DDX1: variants seen among roughly 807,000 people sequenced by gnomAD.
DDX1 encodes DEAD-box helicase 1.
A neutral mutation model predicts 108.7 loss-of-function variants in DDX1; 28 were observed. That is an observed-to-expected ratio of 0.26 (90% CI 0.19 to 0.35). The LOEUF is 0.35. Among genes scored for constraint, DDX1 ranks in the 10% least tolerant of loss-of-function variants. DDX1 has a pLI of 1.00. For missense variants in DDX1, 710 were observed against 884.5 expected, an observed-to-expected ratio of 0.80 and a Z score of 2.50; for synonymous variants, 295 against 288.9, an observed-to-expected ratio of 1.02 and a Z score of -0.21.
At chr2:15,603,396 C>T (rs1479120943) in intron 8 of DDX1, 121 bp downstream of exon 8, 5 of 703,888 alleles carry the variant, frequency 7.1e-6, no homozygotes, top group Non-Finnish European at 1.2e-5. Context: ...GACATGGAAA[C>T]AATATTTATC....
At chr2:15,602,026 A>G (rs1293222350) in intron 6 of DDX1, among the ~76,000 whole-genome samples, 1 of 152,158 alleles carries the variant, frequency 6.6e-6, no homozygotes. Flanking sequence ...AGTTTCCCAT[A>G]TGGTTTCTTC....
In DDX1 at chr2:15,630,814, A is replaced by G. The variant is rs745328114; in HGVS notation, c.2131A>G (p.Thr711Ala). Reference sequence around the variant, plus strand: ...AGGCCATGTGGATATTTTGGCACCTACTGTTCAAGAGTTGGCTGCCCTTGA... The same window carrying G: ...AGGCCATGTGGATATTTTGGCACCTGCTGTTCAAGAGTTGGCTGCCCTTGA... The part of the protein sequence containing the change: ...YKGHVDILAP[T>A]VQELAALEKE... The change falls in exon 26 of 26, where the codon ACT becomes GCT. Residue 711 changes from threonine to alanine, a missense_variant. Physicochemically the swap from Thr to Ala is moderately conservative, Grantham distance 58. Coordinates refer to ENST00000233084, the MANE Select transcript of DDX1 (RefSeq NM_004939.3). The G allele has an allele frequency of 8.1e-6, 13 of 1,613,850 alleles. No homozygotes were observed. Among genetic ancestry groups the G allele is most frequent in the Non-Finnish European group, 1.1e-5 (13 of 1,179,862 alleles).
intron 19 of DDX1, among the ~76,000 whole-genome samples, chr2:15,625,853 A>G (rs918986852): frequency 2.8e-4 from 43 of 152,066 alleles, no homozygotes; most frequent in African/African-American, 1.0e-3. Context: ...CATATAAAGA[A>G]TACATTACAC....
In DDX1 at chr2:15,630,940, A is replaced by C; in HGVS notation, c.*34A>C. ...TTTACTGAATAAGATTTGAGTAATG[A>C]AAGTCTGTAGTCTTAAAACTCTAAA... On this transcript the variant is annotated 3_prime_UTR_variant, in exon 26 of 26. Transcript: ENST00000233084. The C allele has an allele frequency of 6.2e-7, 1 of 1,607,712 alleles. No homozygotes were observed. Among genetic ancestry groups the C allele is most frequent in the Non-Finnish European group, 8.5e-7 (1 of 1,174,952 alleles).
Position 15,597,367 on chromosome 2 carries a change from T to G in DDX1, c.163-8T>G. On this transcript the variant is annotated splice_polypyrimidine_tract_variant and splice_region_variant and intron_variant, in intron 4 of 25. Coordinates refer to ENST00000233084, the MANE Select transcript of DDX1 (RefSeq NM_004939.3). ...TACTAATATAGATACCTTTTGTTTC[T>G]TTGATAGGCTTTTAGTATTCCAGTT... 6.4e-7 allele frequency: 1 copy of G among 1,562,870 alleles called. No homozygotes were observed. Among genetic ancestry groups the G allele is most frequent in the African/African-American group, 1.4e-5 (1 of 72,638 alleles).
At chr2:15,598,614 T>TA (rs1285422994) in intron 5 of DDX1, among the ~76,000 whole-genome samples, 2 of 152,164 alleles carry the variant, frequency 1.3e-5, no homozygotes, top group East Asian at 3.8e-4. Flanking sequence ...CTGTTTAACT[T>TA]AAAGTACTTC....
intron 7 of DDX1, among the ~76,000 whole-genome samples, chr2:15,602,935 A>G (rs1665609720): frequency 6.6e-6 from 1 of 151,946 alleles, no homozygotes; most frequent in Non-Finnish European, 1.5e-5. Flanking sequence ...CTGGTTTTGA[A>G]CTCCTAACCT....
chr2:15,618,322 T>C (rs1378015008), intron 16 of DDX1, 52 bp downstream of exon 16: 1 of 934,908 alleles, frequency 1.1e-6, no homozygotes, highest in Non-Finnish European at 1.7e-6. Flanking sequence ...TTGTTATGTA[T>C]AATGTTACGG....
At chr2:15,603,715 A>G in intron 8 of DDX1, 99 bp from the exon 9 acceptor site, 1 of 786,838 alleles carries the variant, frequency 1.3e-6, no homozygotes, top group East Asian at 2.8e-5. Context: ...CTGTGGGTTT[A>G]TGAAATGGAC....
At chr2:15,597,144 A>T (rs10929377) in intron 4 of DDX1, among the ~76,000 whole-genome samples, 1 of 151,956 alleles carries the variant, frequency 6.6e-6, no homozygotes, top group Non-Finnish European at 1.5e-5. Flanking sequence ...TCATTCTACC[A>T]GTCTCCATTG....
chr2:15,601,643 T>C (rs995209775), intron 6 of DDX1, among the ~76,000 whole-genome samples: 1 of 152,216 alleles, frequency 6.6e-6, no homozygotes, highest in African/African-American at 2.4e-5. Context: ...GGAACCGTCA[T>C]GTGTTCAGCT....
intron 18 of DDX1, 46 bp downstream of exon 18, chr2:15,621,162 T>A (rs1350248501): frequency 7.4e-7 from 1 of 1,347,106 alleles, no homozygotes; most frequent in African/African-American, 1.4e-5. Context: ...GAAAATGAAA[T>A]TTATACCTTA....
At chr2:15,604,184 C>T (rs1228659558) in intron 9 of DDX1, among the ~76,000 whole-genome samples, 1 of 152,068 alleles carries the variant, frequency 6.6e-6, no homozygotes, top group African/African-American at 2.4e-5. Context: ...ATTCTCATTT[C>T]TTATTATTGA....
At chr2:15,602,132 A>G (rs1442415397) in intron 6 of DDX1, among the ~76,000 whole-genome samples, 1 of 152,196 alleles carries the variant, frequency 6.6e-6, no homozygotes, top group East Asian at 1.9e-4. Context: ...ACGAATATTG[A>G]TGAGCGAGTT....
intron 19 of DDX1, among the ~76,000 whole-genome samples, chr2:15,624,157 TAGAA>T (rs1341745673): frequency 6.6e-6 from 1 of 151,872 alleles, no homozygotes; most frequent in East Asian, 1.9e-4. Flanking sequence ...TCTGAGGACA[TAGAA>T]AGATGGAAAA....
At position 15,630,015 on chromosome 2, in the gene DDX1, T is replaced by C. The variant is rs1666166398; in HGVS notation, c.1997T>C (p.Leu666Pro). Residue 666 changes from leucine (L) to proline (P), a missense_variant, in exon 25 of 26, where the codon CTG becomes CCG. By Grantham distance (98) the Leu-to-Pro change is moderately conservative. Transcript: ENST00000233084. ...TTACTATCTGAGATAGAAGAACACC[T>C]GAACTGTACCATTTCTCAGGTTGAG... ...MQLLSEIEEHLNCTISQVEPD... is the reference protein window; with the variant it reads ...MQLLSEIEEHPNCTISQVEPD... 6.2e-7 allele frequency: 1 copy of C among 1,612,356 alleles called. No homozygotes were observed. Among genetic ancestry groups the C allele is most frequent in the African/African-American group, 1.3e-5 (1 of 74,878 alleles).
At chr2:15,601,217 C>G (rs555293359) in intron 6 of DDX1, among the ~76,000 whole-genome samples, 2 of 152,118 alleles carry the variant, frequency 1.3e-5, no homozygotes, top group African/African-American at 2.4e-5. Context: ...TCAGCATTTA[C>G]GAGTTGAGAA....
chr2:15,591,884 A>T lies in DDX1; in HGVS notation c.-50A>T. ...CGCGCCGCCACTGCCACGCCGTGTC[A>T]GTCGGGAGGGAGGGAGCGAGCAGGC... On this transcript the variant is annotated 5_prime_UTR_variant, in exon 1 of 26. Coordinates refer to ENST00000233084, the MANE Select transcript of DDX1 (RefSeq NM_004939.3). 1 of 1,467,648 alleles carries T rather than the reference A, an allele frequency of 6.8e-7. No homozygotes were observed. Among genetic ancestry groups the T allele is most frequent in the Non-Finnish European group, 9.0e-7 (1 of 1,108,482 alleles). 90.9% of individuals were successfully genotyped at this position (1,467,648 alleles called of 1,614,324 possible). A position where few individuals can be genotyped will look rare whatever the true frequency, so the allele number is the denominator to read the frequency against.
intron 18 of DDX1, among the ~76,000 whole-genome samples, chr2:15,622,275 T>G (rs937673054): frequency 3.3e-5 from 5 of 152,224 alleles, no homozygotes; most frequent in Non-Finnish European, 5.9e-5. Context: ...TCTCCAGAAC[T>G]TTTTCATCTT....
Sources: gnomAD v4.1 joint callset for allele counts (sites outside exome capture counted in the v4.1 genomes callset) on GRCh38, gnomAD v4.1.1 for gene constraint, MANE v1.5 for transcripts, NCBI Gene and HGNC (gene_info 2026-07-23, HGNC 2026-07-21) for gene names.